BAHCC1: variants seen among roughly 807,000 people sequenced by gnomAD.
BAHCC1 encodes the protein BAH domain and coiled-coil containing 1, also known as BAH and coiled-coil domain-containing protein 1.
BAHCC1 carries 43 observed loss-of-function variants against 88.2 expected under a neutral mutation model. The observed-to-expected ratio is 0.49, with a 90% CI of 0.38 to 0.63. BAHCC1 has a LOEUF of 0.63. BAHCC1 is among the 20% of genes least tolerant of loss of function. The pLI is 0.00. For synonymous variants in BAHCC1, 1,510 were observed against 745.5 expected (o/e 2.03, Z -16.71); for missense variants, 3,023 against 1,654.8 (o/e 1.83, Z -14.34).
Position 81,456,400 on chromosome 17 carries a change from C to G in BAHCC1, c.4673C>G (p.Pro1558Arg). The G allele has an allele frequency of 1.4e-6, 1 of 722,808 alleles. No homozygotes were observed. The highest frequency in any genetic ancestry group is 2.6e-6 in the Non-Finnish European group (1 of 388,270). The allele number at this position is 722,808 out of a possible 1,614,324, so 44.8% of individuals were successfully genotyped here. Residue 1558 changes from proline to arginine, a missense_variant, in exon 16 of 28, where the codon CCC becomes CGC. Physicochemically the swap from Pro to Arg is moderately radical, Grantham distance 103. Coordinates refer to ENST00000675386, the MANE Select transcript of BAHCC1 (RefSeq NM_001377448.1). ...CCCAAGGTCAAGAGCAAAGGGCTGCCCACAGGCCTCAGCTCTTTCCAGCAG... is the reference window on the plus strand; with the variant it reads ...CCCAAGGTCAAGAGCAAAGGGCTGCGCACAGGCCTCAGCTCTTTCCAGCAG... The part of the protein sequence containing the change: ...LKPKVKSKGL[P>R]TGLSSFQQKE...
chr17:81,461,240 G>T lies in BAHCC1; in HGVS notation c.6577G>T (p.Glu2193Ter). The change falls in exon 26 of 28, where the codon GAG becomes TAG. Residue 2193 changes from glutamate to a stop codon, truncating the protein, a stop_gained. Transcript: ENST00000675386. LOFTEE classifies it high-confidence loss of function. ...GCGGGCTAAGAAGGCCGAGAGGGTG[G>T]AGGCCGAGAAGGGTGGGCGGCGGCG... is the stretch of plus-strand genomic sequence containing the variant. ...LLRAKKAERV[E>*]AEKGGRRRAG... The T allele has an allele frequency of 1.4e-6, 1 of 711,850 alleles. No homozygotes were observed. 44.1% of individuals were successfully genotyped at this position (711,850 alleles called of 1,614,324 possible).
chr17:81,449,072 C>T (rs1231751677), intron 11 of BAHCC1, among the ~76,000 whole-genome samples: 6 of 152,204 alleles, frequency 3.9e-5, no homozygotes, highest in African/African-American at 1.4e-4. Context: ...GCCGGTCTGC[C>T]TGTGTGAATG....
At chr17:81,438,248 G>A in intron 3 of BAHCC1, 122 bp from the exon 4 acceptor site, 1 of 685,638 alleles carries the variant, frequency 1.5e-6, no homozygotes. Context: ...GCGGCTGCGT[G>A]CTGGGCTCTG....
At position 81,435,168 on chromosome 17, in the gene BAHCC1, C is replaced by G. The variant is rs1415715129; in HGVS notation, c.359-3202C>G. ...ACACCACAGGCCTCCTACCTGCAACCCTTGACCTCCCCAGACGTGGTGAGC... is the reference window on the plus strand; with the variant it reads ...ACACCACAGGCCTCCTACCTGCAACGCTTGACCTCCCCAGACGTGGTGAGC... On this transcript the variant is annotated intron_variant, in intron 3 of 27. Transcript: ENST00000675386. The surrounding 1 kb of genome is among the most constrained non-coding windows in gnomAD (Gnocchi z 4.4). Among the ~76,000 whole-genome samples, 1 of 152,114 alleles carries G rather than the reference C, an allele frequency of 6.6e-6. No homozygotes were observed. Among genetic ancestry groups the G allele is most frequent in the Non-Finnish European group, 1.5e-5 (1 of 68,008 alleles).
chr17:81,458,356 C>A lies in BAHCC1; in HGVS notation c.5233C>A (p.Leu1745Ile). 2 of 730,104 alleles carry A rather than the reference C, an allele frequency of 2.7e-6. No homozygotes were observed. The highest frequency in any genetic ancestry group is 2.6e-5 in the East Asian group (1 of 38,342). The allele number at this position is 730,104 out of a possible 1,614,324, so 45.2% of individuals were successfully genotyped here. A position where few individuals can be genotyped will look rare whatever the true frequency, so the allele number is the denominator to read the frequency against. ...EPGATPSRDA[L>I]FNPSRAFACR... ...GGGGGCCACCCCCAGCAGGGACGCC[C>A]TCTTCAACCCCTCTCGGGCCTTCGC... Residue 1745 changes from leucine to isoleucine, a missense_variant, in exon 18 of 28, where the codon CTC becomes ATC. Physicochemically the swap from Leu to Ile is conservative, Grantham distance 5. Coordinates refer to ENST00000675386, the MANE Select transcript of BAHCC1 (RefSeq NM_001377448.1).
rs1215282843 is a variant in BAHCC1 at position 81,397,391 on chromosome 17, GA to G, written c.-207+1757del. On this transcript the variant is annotated intron_variant, in intron 1 of 27. Coordinates refer to ENST00000675386, the MANE Select transcript of BAHCC1 (RefSeq NM_001377448.1). ...TTCTCAACTTTGAAATTTCTTATTG[GA>G]GAGAAAAAAAAAAAAAAAAACAACC... Among the ~76,000 whole-genome samples, 7 of 125,670 alleles carry G rather than the reference GA, an allele frequency of 5.6e-5. 1 individual carries two copies. The highest frequency in any genetic ancestry group is 2.0e-4 in the African/African-American group (7 of 34,724). 82.4% of individuals were successfully genotyped at this position (125,670 alleles called of 152,430 possible).
chr17:81,405,515 A>G (rs1433420266), intron 2 of BAHCC1, among the ~76,000 whole-genome samples: 1 of 151,684 alleles, frequency 6.6e-6, no homozygotes, highest in African/African-American at 2.4e-5. Flanking sequence ...CCCGCCCCCA[A>G]TCCTGGCAGG....
chr17:81,454,496 TC>T (rs1207890243), intron 14 of BAHCC1, among the ~76,000 whole-genome samples: 1 of 151,970 alleles, frequency 6.6e-6, no homozygotes, highest in African/African-American at 2.4e-5. Context: ...GGCAACGGGG[TC>T]CCTGGGGACT....
In BAHCC1 at chr17:81,447,065, GCT is replaced by G. The variant is rs1555654598; in HGVS notation, c.3194_3195del (p.Ala1065GlyfsTer14). On this transcript the variant is annotated frameshift_variant, in exon 11 of 28. Transcript: ENST00000675386. LOFTEE classifies it high-confidence loss of function. ...DLPPGYLRPM[A>X]GLGFSLPSDV... ...GCCTCCCGGATACCTGCGCCCCATG[GCT>G]GGCCTGGGCTTCTCCCTACCCTCAG... The G allele has an allele frequency of 1.3e-6, 1 of 779,292 alleles. No homozygotes were observed. Among genetic ancestry groups the G allele is most frequent in the Non-Finnish European group, 2.4e-6 (1 of 417,930 alleles). The allele number at this position is 779,292 out of a possible 1,614,324, so 48.3% of individuals were successfully genotyped here. A position where few individuals can be genotyped will look rare whatever the true frequency, so the allele number is the denominator to read the frequency against.
At chr17:81,454,089 G>A (rs2064698930) in intron 14 of BAHCC1, among the ~76,000 whole-genome samples, 1 of 152,242 alleles carries the variant, frequency 6.6e-6, no homozygotes. Context: ...CTGTGGGCAG[G>A]TGGGGGTTGA....
Position 81,458,306 on chromosome 17 carries a change from C to T in BAHCC1, c.5183C>T (p.Ala1728Val), listed in dbSNP as rs377401307. Residue 1728 changes from alanine (A) to valine (V), a missense_variant, in exon 18 of 28, where the codon GCC (alanine) becomes GTC (valine). Ala to Val is a moderately conservative substitution (Grantham distance 64). Transcript: ENST00000675386. ...GGCAAGAAGAAAGCCAAGGGCAAGG[C>T]CAAGGGCAGCCTGCGGGCAGAGCCG... Reference protein sequence around the residue: ...ALGKKKAKGKAKGSLRAEPGA... With the variant: ...ALGKKKAKGKVKGSLRAEPGA... The T allele has an allele frequency of 7.5e-5, 56 of 750,176 alleles. No homozygotes were observed. The highest frequency in any genetic ancestry group is 1.2e-4 in the Non-Finnish European group (50 of 404,448). The allele number at this position is 750,176 out of a possible 1,614,324, so 46.5% of individuals were successfully genotyped here. A position where few individuals can be genotyped will look rare whatever the true frequency, so the allele number is the denominator to read the frequency against.
Position 81,447,576 on chromosome 17 carries a change from A to C in BAHCC1, c.3704A>C (p.Gln1235Pro). ...CTGGAGGAAGACGAGCTGGGGCAGC[A>C]GAGCATGGAGGACTCAGAGGAGGAC... ...DELEEDELGQ[Q>P]SMEDSEEDCG... The change falls in exon 11 of 28, where the codon CAG becomes CCG. Residue 1235 changes from glutamine to proline, a missense_variant. By Grantham distance (76) the Gln-to-Pro change is moderately conservative. Coordinates refer to ENST00000675386, the MANE Select transcript of BAHCC1 (RefSeq NM_001377448.1). The C allele has an allele frequency of 1.3e-6, 1 of 755,466 alleles. No homozygotes were observed. Among genetic ancestry groups the C allele is most frequent in the South Asian group, 1.4e-5 (1 of 70,890 alleles). The allele number at this position is 755,466 out of a possible 1,614,324, so 46.8% of individuals were successfully genotyped here.
intron 3 of BAHCC1, among the ~76,000 whole-genome samples, chr17:81,437,361 G>A (rs1362601537): frequency 3.3e-5 from 5 of 152,024 alleles, no homozygotes. Flanking sequence ...GGCTGGGCGG[G>A]TCTGAGTCTC....
At chr17:81,414,726 T>C (rs1166494262) in intron 2 of BAHCC1, among the ~76,000 whole-genome samples, 3 of 152,120 alleles carry the variant, frequency 2.0e-5, no homozygotes, top group Non-Finnish European at 4.4e-5. Context: ...GGGACCGAGG[T>C]TCCCCGGGGT....
chr17:81,463,728 G>C lies in BAHCC1; in HGVS notation c.7738G>C (p.Asp2580His). 1 of 779,114 alleles carries C rather than the reference G, an allele frequency of 1.3e-6. No homozygotes were observed. The highest frequency in any genetic ancestry group is 2.4e-5 in the East Asian group (1 of 41,220). The allele number at this position is 779,114 out of a possible 1,614,324, so 48.3% of individuals were successfully genotyped here. A position where few individuals can be genotyped will look rare whatever the true frequency, so the allele number is the denominator to read the frequency against. The change falls in exon 28 of 28, where the codon GAC (aspartate) becomes CAC (histidine). Residue 2580 changes from aspartate to histidine, a missense_variant. Physicochemically the swap from Asp to His is moderately conservative, Grantham distance 81 (BLOSUM62 -1). Transcript: ENST00000675386. ...EQMARSRKCQ[D>H]RQDLYYLAGT... Reference sequence around the variant, plus strand: ...GATGGCCCGGAGCCGCAAGTGCCAGGACCGGCAGGACCTCTACTACCTGGC... The same window carrying C: ...GATGGCCCGGAGCCGCAAGTGCCAGCACCGGCAGGACCTCTACTACCTGGC...
chr17:81,425,552 G>A (rs2143396463), intron 2 of BAHCC1, among the ~76,000 whole-genome samples: 1 of 43,342 alleles, frequency 2.3e-5, no homozygotes, highest in East Asian at 8.0e-4. Context: ...TGGTTGGTGG[G>A]TGATGTGGTT....
Position 81,447,705 on chromosome 17 carries a change from C to G in BAHCC1, c.3833C>G (p.Pro1278Arg), listed in dbSNP as rs1555654965. Residue 1278 changes from proline to arginine, a missense_variant, in exon 11 of 28, where the codon CCA becomes CGA. Physicochemically the swap from Pro to Arg is moderately radical, Grantham distance 103. Coordinates refer to ENST00000675386, the MANE Select transcript of BAHCC1 (RefSeq NM_001377448.1). ...INLGDLPSDS[P>R]PDPQPPAASG... ...CTGGGGGACCTGCCCAGCGACAGCC[C>G]ACCGGACCCTCAGCCCCCAGCGGCC... 4 of 734,794 alleles carry G rather than the reference C, an allele frequency of 5.4e-6. No homozygotes were observed. Among genetic ancestry groups the G allele is most frequent in the Non-Finnish European group, 1.0e-5 (4 of 395,430 alleles). The allele number at this position is 734,794 out of a possible 1,614,324, so 45.5% of individuals were successfully genotyped here. A position where few individuals can be genotyped will look rare whatever the true frequency, so the allele number is the denominator to read the frequency against.
At chr17:81,415,323 A>G (rs960445418) in intron 2 of BAHCC1, among the ~76,000 whole-genome samples, 1 of 152,056 alleles carries the variant, frequency 6.6e-6, no homozygotes, top group Non-Finnish European at 1.5e-5. Flanking sequence ...CCTGGAGGGG[A>G]GTTCCAAGGG....
At chr17:81,455,952 A>AG (rs1555657161) in intron 15 of BAHCC1, among the ~76,000 whole-genome samples, 2 of 152,114 alleles carry the variant, frequency 1.3e-5, no homozygotes, top group African/African-American at 4.8e-5. Context: ...CTGTCTGCCC[A>AG]GGGGGCTGAT....
Sources: allele counts gnomAD v4.1 joint callset (sites outside exome capture counted in the v4.1 genomes callset), GRCh38; gene constraint gnomAD v4.1.1; non-coding constraint Gnocchi (gnomAD v3.1); transcripts MANE v1.5; gene names NCBI Gene and HGNC (gene_info 2026-07-23, HGNC 2026-07-21).